GPHN: variants seen among roughly 807,000 people sequenced by gnomAD.
GPHN encodes the protein gephyrin.
Under a neutral mutation model 95.5 loss-of-function variants are expected in GPHN, and 17 were observed. The ratio of observed to expected loss-of-function variants is 0.18; its 90% CI spans 0.12 to 0.27. The LOEUF (loss-of-function observed/expected upper bound fraction) is 0.27, where lower values mean the gene tolerates loss of function less well. Among genes scored for constraint, GPHN ranks in the 10% least tolerant of loss-of-function variants. GPHN has a pLI of 1.00. For synonymous variants in GPHN, 320 were observed against 322.5 expected (o/e 0.99, Z 0.08); for missense variants, 660 against 978.1 (o/e 0.67, Z 4.34).
Position 67,013,702 on chromosome 14 carries a change from CA to C in GPHN, c.964-9929del, listed in dbSNP as rs2153618817. ...TTAAGCATTTAGAAAAATAAAGTCA[CA>C]ACTTTTTCAATCAATCTAAAATATG... On this transcript the variant is annotated intron_variant, in intron 9 of 22. Coordinates refer to ENST00000478722, the MANE Select transcript of GPHN (RefSeq NM_020806.5). Among the ~76,000 whole-genome samples the C allele has an allele frequency of 1.3e-5, 2 of 151,746 alleles. 1 individual carries two copies. Among genetic ancestry groups the C allele is most frequent in the South Asian group, 4.2e-4 (2 of 4,800 alleles).
intron 21 of GPHN, among the ~76,000 whole-genome samples, chr14:67,173,873 AC>A (rs1460595970): frequency 1.6e-4 from 24 of 152,252 alleles, no homozygotes; most frequent in Non-Finnish European, 3.2e-4. Flanking sequence ...ATAAAAAAAA[AC>A]AGAAATCCTA....
intron 1 of GPHN, among the ~76,000 whole-genome samples, chr14:66,636,786 G>C (rs115907175): frequency 2.3e-3 from 343 of 152,218 alleles, no homozygotes; most frequent in African/African-American, 7.7e-3. Context: ...TAACAAGCAG[G>C]CTGGTTTATA....
At chr14:67,365,082 T>C in the GPHN span, 1 of 1,438,670 alleles carries the variant, frequency 7.0e-7, no homozygotes, top group Non-Finnish European at 9.2e-7. Flanking sequence ...TTTTTGTAAA[T>C]TGCAAGCTGC....
chr14:67,458,136 G>A, the GPHN span, among the ~76,000 whole-genome samples: 2,823 of 152,266 alleles, frequency 0.019, 30 homozygotes, highest in Middle Eastern at 0.048. Context: ...TCGCTCACCC[G>A]TCCCAGGCTG....
the GPHN span, among the ~76,000 whole-genome samples, chr14:67,536,153 C>T: frequency 6.6e-6 from 1 of 152,094 alleles, no homozygotes; most frequent in South Asian, 2.1e-4. Flanking sequence ...GAGGTTCCTG[C>T]GGCCTAGGAC....
At chr14:67,697,422 G>A in the GPHN span, among the ~76,000 whole-genome samples, 1 of 152,212 alleles carries the variant, frequency 6.6e-6, no homozygotes, top group African/African-American at 2.4e-5. Flanking sequence ...AGAGAAAGCA[G>A]GGTGCACTAG....
At chr14:67,688,584 A>C in the GPHN span, among the ~76,000 whole-genome samples, 7 of 150,416 alleles carry the variant, frequency 4.7e-5, no homozygotes, top group African/African-American at 1.7e-4. Context: ...ACATACTTCC[A>C]TATGCTTTGA....
intron 4 of GPHN, among the ~76,000 whole-genome samples, chr14:66,844,299 G>A (rs1337883719): frequency 2.6e-5 from 4 of 152,004 alleles, no homozygotes; most frequent in Non-Finnish European, 5.9e-5. Flanking sequence ...AAAGTACTTG[G>A]CATCTAAAAA....
intron 4 of GPHN, among the ~76,000 whole-genome samples, chr14:66,856,844 G>A (rs955839044): frequency 6.6e-6 from 1 of 151,762 alleles, no homozygotes; most frequent in Non-Finnish European, 1.5e-5. Flanking sequence ...ATCATTATTA[G>A]GTAAATCACA....
chr14:67,350,414 C>A, the GPHN span, among the ~76,000 whole-genome samples: 1 of 152,104 alleles, frequency 6.6e-6, no homozygotes, highest in Non-Finnish European at 1.5e-5. Context: ...AAGTATCCTG[C>A]GCCTGCAACT....
chr14:66,576,013 C>T (rs1317347168), intron 1 of GPHN, among the ~76,000 whole-genome samples: 1 of 152,036 alleles, frequency 6.6e-6, no homozygotes, highest in Non-Finnish European at 1.5e-5. Context: ...GAGCCTGGGC[C>T]TGTTGGAGTG....
chr14:67,050,940 C>A (rs1262582488), intron 10 of GPHN, among the ~76,000 whole-genome samples: 2 of 152,216 alleles, frequency 1.3e-5, no homozygotes, highest in Admixed American at 6.5e-5. Flanking sequence ...GCCTGGGGAA[C>A]CATGCTTTTT....
chr14:67,620,066 G>T, the GPHN span: 2 of 1,610,036 alleles, frequency 1.2e-6, no homozygotes, highest in African/African-American at 2.7e-5. Flanking sequence ...GCTGTGATAG[G>T]AGCCCCGTTC....
chr14:67,446,728 C>T, the GPHN span, among the ~76,000 whole-genome samples: 4 of 152,116 alleles, frequency 2.6e-5, no homozygotes, highest in South Asian at 6.2e-4. Flanking sequence ...AAAAATATGC[C>T]GCTGACTTGA....
At chr14:67,116,630 A>G (rs1385938615) in intron 16 of GPHN, among the ~76,000 whole-genome samples, 1 of 152,158 alleles carries the variant, frequency 6.6e-6, no homozygotes, top group Non-Finnish European at 1.5e-5. Context: ...TGATCCTCCC[A>G]CCTCAGCTTC....
chr14:67,095,953 GA>G (rs2077360131), intron 12 of GPHN, among the ~76,000 whole-genome samples: 1 of 36,942 alleles, frequency 2.7e-5, no homozygotes, highest in Non-Finnish European at 6.8e-5. Context: ...CAAAAAAAAA[GA>G]AAAGAAAAAG....
chr14:66,657,789 G>GC (rs766547843), intron 1 of GPHN, among the ~76,000 whole-genome samples: 4 of 152,152 alleles, frequency 2.6e-5, no homozygotes, highest in Non-Finnish European at 4.4e-5. Flanking sequence ...CACTGACAGT[G>GC]CCCCTCGTCA....
At chr14:66,567,982 T>A (rs1220138861) in intron 1 of GPHN, among the ~76,000 whole-genome samples, 1 of 151,968 alleles carries the variant, frequency 6.6e-6, no homozygotes, top group Non-Finnish European at 1.5e-5. Context: ...GTACGATGAG[T>A]GATAGTTAAG....
chr14:67,387,940 T>C, the GPHN span, among the ~76,000 whole-genome samples: 4 of 152,308 alleles, frequency 2.6e-5, no homozygotes, highest in African/African-American at 7.2e-5. Context: ...CCCTAAAGCA[T>C]TGTGTAAGCC....
Sources: gnomAD v4.1 joint callset for allele counts (sites outside exome capture counted in the v4.1 genomes callset) on GRCh38, gnomAD v4.1.1 for gene constraint, MANE v1.5 for transcripts, NCBI Gene and HGNC (gene_info 2026-07-23, HGNC 2026-07-21) for gene names.